Variants in CCBE1 observed in about 807,000 individuals in gnomAD.
CCBE1 encodes collagen and calcium binding EGF domains 1.
Under a neutral mutation model 50.0 loss-of-function variants are expected in CCBE1, and 37 were observed. The ratio of observed to expected loss-of-function variants is 0.74; its 90% CI spans 0.57 to 0.97. The LOEUF (loss-of-function observed/expected upper bound fraction) is 0.97. Ranked by LOEUF, CCBE1 falls within the 50% of genes least tolerant of loss-of-function variation. CCBE1 has a pLI of 0.00. For synonymous variants in CCBE1, 234 were observed against 203.7 expected (o/e 1.15, Z -1.27); for missense variants, 538 against 523.8 (o/e 1.03, Z -0.26).
rs1008395764 is a variant in CCBE1, at chr18:59,669,519, T to C, written c.212+27110A>G. On this transcript the variant is annotated intron_variant, in intron 2 of 10. Coordinates refer to ENST00000439986, the MANE Select transcript of CCBE1 (RefSeq NM_133459.4). ...GAGAGGAAAGTTGGAGTCAAGAGAG[T>C]CACTACTGGGGAACACATGGACATT... Among the ~76,000 whole-genome samples, 6 of 152,096 alleles carry C rather than the reference T, an allele frequency of 3.9e-5. No homozygotes were observed. The East Asian group carries it at 1.2e-3, about 29-fold the overall frequency.
chr18:59,570,130 T>A (rs912888615), intron 2 of CCBE1, among the ~76,000 whole-genome samples: 1 of 152,136 alleles, frequency 6.6e-6, no homozygotes, highest in African/African-American at 2.4e-5. Context: ...TAGCAAAGGG[T>A]AAAGAATATT....
At chr18:59,477,742 C>T (rs191770735) in intron 3 of CCBE1, among the ~76,000 whole-genome samples, 1 of 152,316 alleles carries the variant, frequency 6.6e-6, no homozygotes, top group East Asian at 1.9e-4. Context: ...TTCATACCCT[C>T]TTCTGGGGAA....
chr18:59,473,341 G>C (rs983856084), intron 3 of CCBE1, among the ~76,000 whole-genome samples: 1 of 152,152 alleles, frequency 6.6e-6, no homozygotes, highest in Non-Finnish European at 1.5e-5. Flanking sequence ...AGTCCTGTGA[G>C]ATTCAAACTC....
intron 2 of CCBE1, among the ~76,000 whole-genome samples, chr18:59,675,503 C>T (rs913386642): frequency 1.3e-5 from 2 of 152,202 alleles, no homozygotes; most frequent in East Asian, 3.8e-4. Flanking sequence ...CAGCTTCCCT[C>T]TAAGTGGACA....
intron 2 of CCBE1, among the ~76,000 whole-genome samples, chr18:59,555,463 G>A (rs1818199737): frequency 6.6e-6 from 1 of 152,156 alleles, no homozygotes; most frequent in Non-Finnish European, 1.5e-5. Context: ...CATAATTCAG[G>A]AATTTGGTTG....
At chr18:59,575,943 T>C (rs1188083393) in intron 2 of CCBE1, among the ~76,000 whole-genome samples, 2 of 152,236 alleles carry the variant, frequency 1.3e-5, no homozygotes, top group Non-Finnish European at 2.9e-5. Context: ...CACATGTCCC[T>C]TTAGTTAACC....
chr18:59,563,098 T>C (rs2052766302), intron 2 of CCBE1, among the ~76,000 whole-genome samples: 1 of 152,192 alleles, frequency 6.6e-6, no homozygotes, highest in Non-Finnish European at 1.5e-5. Flanking sequence ...AATGCAACCC[T>C]TACAACCCCA....
chr18:59,449,194 T>C (rs1910816454), intron 6 of CCBE1, among the ~76,000 whole-genome samples: 1 of 152,180 alleles, frequency 6.6e-6, no homozygotes, highest in Non-Finnish European at 1.5e-5. Context: ...TTGGGTAAGC[T>C]ACACAACCTG....
intron 2 of CCBE1, among the ~76,000 whole-genome samples, chr18:59,577,227 C>G (rs73961261): frequency 0.025 from 3,775 of 152,210 alleles, 164 homozygotes; most frequent in African/African-American, 0.087. Flanking sequence ...TGGGGCCATG[C>G]GAACTTAGGC....
chr18:59,456,084 G>C lies in CCBE1; in HGVS notation c.554-1133C>G, dbSNP rs150408026. Among the ~76,000 whole-genome samples the C allele has an allele frequency of 3.7e-3, 565 of 152,214 alleles. 1 individual carries two copies. Among genetic ancestry groups the C allele is most frequent in the African/African-American group, 0.013 (538 of 41,528 alleles). ...AGATGCACATCAAATGTTCCATGAA[G>C]CCTGCTCTCTACCCACGGAAGTCTG... On this transcript the variant is annotated intron_variant, in intron 5 of 10. Transcript: ENST00000439986.
intron 2 of CCBE1, among the ~76,000 whole-genome samples, chr18:59,655,066 G>A (rs1438825534): frequency 2.2e-4 from 29 of 131,040 alleles, no homozygotes; most frequent in African/African-American, 5.7e-4. Flanking sequence ...CAGCCTGGGC[G>A]ACACCACTGA....
intron 2 of CCBE1, among the ~76,000 whole-genome samples, chr18:59,661,612 T>A (rs8097181): frequency 0.019 from 2,839 of 152,058 alleles, 85 homozygotes; most frequent in African/African-American, 0.066. Flanking sequence ...GCCACAATAT[T>A]CTCAACCAAT....
chr18:59,466,647 A>G (rs1427759792), intron 5 of CCBE1, 92 bp downstream of exon 5: 10 of 614,348 alleles, frequency 1.6e-5, no homozygotes, highest in African/African-American at 2.0e-5. Context: ...TTATATAATC[A>G]TATCTATATA....
At chr18:59,516,243 T>TG (rs1205517215) in intron 2 of CCBE1, among the ~76,000 whole-genome samples, 2 of 151,954 alleles carry the variant, frequency 1.3e-5, no homozygotes, top group South Asian at 2.1e-4. Context: ...ACAGTTTGTT[T>TG]TTTTTTTTCT....
At chr18:59,668,597 TATC>T (rs1267086807) in intron 2 of CCBE1, among the ~76,000 whole-genome samples, 2 of 152,106 alleles carry the variant, frequency 1.3e-5, no homozygotes, top group Non-Finnish European at 2.9e-5. Context: ...ATTGTACTCT[TATC>T]ATTGCACATT....
At chr18:59,484,950 G>C (rs1325435391) in intron 2 of CCBE1, among the ~76,000 whole-genome samples, 1 of 152,198 alleles carries the variant, frequency 6.6e-6, no homozygotes, top group Non-Finnish European at 1.5e-5. Context: ...CAATAAAGTT[G>C]AGACAGCCAA....
intron 2 of CCBE1, among the ~76,000 whole-genome samples, chr18:59,675,801 A>G (rs2144719028): frequency 6.6e-6 from 1 of 152,330 alleles, no homozygotes; most frequent in Admixed American, 6.5e-5. Context: ...TAGAGGAGGT[A>G]TACATCAGAC....
intron 2 of CCBE1, among the ~76,000 whole-genome samples, chr18:59,667,828 A>C (rs2144701944): frequency 6.6e-6 from 1 of 152,272 alleles, no homozygotes; most frequent in South Asian, 2.1e-4. Context: ...AAGAAACGGT[A>C]ATTTTCCCTG....
intron 2 of CCBE1, among the ~76,000 whole-genome samples, chr18:59,504,270 T>G (rs1913765072): frequency 6.6e-6 from 1 of 152,186 alleles, no homozygotes; most frequent in Non-Finnish European, 1.5e-5. Flanking sequence ...TAAATTACAC[T>G]CTAGCTATAC....
Sources: gnomAD v4.1 joint callset for allele counts (sites outside exome capture counted in the v4.1 genomes callset) on GRCh38, gnomAD v4.1.1 for gene constraint, MANE v1.5 for transcripts, NCBI Gene and HGNC (gene_info 2026-07-23, HGNC 2026-07-21) for gene names.